Variants in UFC1 observed in about 807,000 individuals in gnomAD.
The protein encoded by UFC1 is ubiquitin-fold modifier conjugating enzyme 1, also known as ubiquitin-fold modifier-conjugating enzyme 1.
In UFC1, 22 loss-of-function variants were observed where a neutral mutation model predicts 28.0. That is an observed-to-expected ratio of 0.78 (90% CI 0.56 to 1.12). UFC1 has a LOEUF of 1.12. Ranked by LOEUF, UFC1 falls within the 50% of genes most tolerant of loss-of-function variation. UFC1 has a pLI of 0.00. For synonymous variants in UFC1, 61 were observed against 74.5 expected (o/e 0.82, Z 0.93); for missense variants, 189 against 207.8 (o/e 0.91, Z 0.56).
intron 1 of UFC1, among the ~76,000 whole-genome samples, chr1:161,154,762 T>G (rs1242294687): frequency 2.0e-5 from 3 of 152,288 alleles, no homozygotes; most frequent in African/African-American, 7.2e-5. Flanking sequence ...GTGCTGAGAT[T>G]ACAGGCGTGA....
Position 161,156,964 on chromosome 1 carries a change from C to G in UFC1, c.138C>G (p.Asn46Lys), listed in dbSNP as rs115695944. 6.2e-7 allele frequency: 1 copy of G among 1,614,202 alleles called. No homozygotes were observed. The change falls in exon 2 of 6, where the codon AAC (asparagine) becomes AAG (lysine). Residue 46 changes from asparagine (N) to lysine (K), a missense_variant. By Grantham distance (94) the Asn-to-Lys change is moderately conservative (BLOSUM62 0). Transcript: ENST00000368003. ...YQSLIRYVEN[N>K]KNADNDWFRL... ...TCTGCTTTCAGTATGTGGAGAACAACAAGAATGCTGACAACGATTGGTTCC... is the reference window on the plus strand; with the variant it reads ...TCTGCTTTCAGTATGTGGAGAACAAGAAGAATGCTGACAACGATTGGTTCC...
chr1:161,158,302 G>A lies in UFC1; in HGVS notation c.423+91G>A. The A allele has an allele frequency of 3.2e-6, 5 of 1,568,296 alleles. No homozygotes were observed. In the South Asian group the frequency reaches 4.4e-5, roughly 14 times the overall value. ...GCAGCTAAGAATAAAAGGAATAACA[G>A]TGATGTCCCTTAAGCATGTTCCCCC... On this transcript the variant is annotated intron_variant, in intron 5 of 5. Coordinates refer to ENST00000368003, the MANE Select transcript of UFC1 (RefSeq NM_016406.4).
intron 4 of UFC1, 25 bp from the exon 5 acceptor site, chr1:161,158,096 C>A: frequency 6.2e-7 from 1 of 1,603,128 alleles, no homozygotes; most frequent in Non-Finnish European, 8.5e-7. Flanking sequence ...TGCATGTCAA[C>A]ACCTTCTTCA....
intron 1 of UFC1, 92 bp from the exon 2 acceptor site, chr1:161,156,858 T>A (rs1657522981): frequency 1.7e-6 from 2 of 1,154,230 alleles, no homozygotes; most frequent in African/African-American, 1.6e-5. Context: ...AAATAAAAAA[T>A]AAAAAAAATA....
rs1361282229 is a variant in UFC1, at chr1:161,158,846, T to G, written c.*354T>G. On this transcript the variant is annotated 3_prime_UTR_variant, in exon 6 of 6. Coordinates refer to ENST00000368003, the MANE Select transcript of UFC1 (RefSeq NM_016406.4). ...GAGATAACCCATCAATAAAAGCTGC[T>G]TCCTCTGGTAGCCTGTGGTTCTCAT... 2 of 255,594 alleles carry G rather than the reference T, an allele frequency of 7.8e-6. No individual in the cohort carries two copies. The highest frequency in any genetic ancestry group is 1.6e-5 in the Non-Finnish European group (2 of 126,426). 15.8% of individuals were successfully genotyped at this position (255,594 alleles called of 1,614,324 possible).
Position 161,154,004 on chromosome 1 carries a change from G to C in UFC1, c.7G>C (p.Asp3His). The C allele has an allele frequency of 6.2e-7, 1 of 1,614,158 alleles. No homozygotes were observed. Among genetic ancestry groups the C allele is most frequent in the Non-Finnish European group, 8.5e-7 (1 of 1,180,028 alleles). The change falls in exon 1 of 6, where the codon GAT (aspartate) becomes CAT (histidine). Residue 3 changes from aspartate (D) to histidine (H), a missense_variant. Transcript: ENST00000368003. ...TCTTGCGCCCTGGTCCAAGATGGCG[G>C]ATGAAGCCACGCGACGTGTTGTGTC... MA[D>H]EATRRVVSEI...
chr1:161,156,350 G>A (rs923287482), intron 1 of UFC1, among the ~76,000 whole-genome samples: 5 of 150,950 alleles, frequency 3.3e-5, no homozygotes, highest in African/African-American at 1.2e-4. Flanking sequence ...CTAATATGGT[G>A]AAACCCCATC....
chr1:161,155,031 A>C (rs1002129848), intron 1 of UFC1, among the ~76,000 whole-genome samples: 3 of 152,152 alleles, frequency 2.0e-5, no homozygotes, highest in African/African-American at 7.2e-5. Context: ...TATAGAACCT[A>C]GGGAGGAGAT....
rs772312889 is a variant in UFC1 at position 161,158,460 on chromosome 1, G to A, written c.472G>A (p.Val158Ile). 4.9e-5 allele frequency: 79 copies of A among 1,614,050 alleles called. No homozygotes were observed. The Middle Eastern group carries it at 6.6e-4, about 13-fold the overall frequency. ...VEIPDLIQKG[V>I]IQHKEKCNQ ...AATCCCTGATCTGATTCAGAAGGGC[G>A]TCATCCAACACAAAGAGAAATGCAA... Residue 158 changes from valine to isoleucine, a missense_variant, in exon 6 of 6, where the codon GTC (valine) becomes ATC (isoleucine). By Grantham distance (29) the Val-to-Ile change is conservative. Transcript: ENST00000368003.
intron 1 of UFC1, 42 bp downstream of exon 1, chr1:161,154,162 G>A (rs775291371): frequency 1.9e-6 from 3 of 1,610,166 alleles, no homozygotes; most frequent in South Asian, 1.1e-5. Context: ...CATAAGGGTT[G>A]GGAGAAATCA....
chr1:161,156,814 C>G (rs2101790087), intron 1 of UFC1, 136 bp from the exon 2 acceptor site: 1 of 751,768 alleles, frequency 1.3e-6, no homozygotes, highest in Middle Eastern at 3.4e-4. Context: ...TGCACTCCAG[C>G]CTGTGCGACG....
intron 4 of UFC1, 145 bp from the exon 5 acceptor site, chr1:161,157,976 G>C (rs1312571643): frequency 4.3e-6 from 3 of 705,824 alleles, no homozygotes; most frequent in Admixed American, 5.6e-5. Flanking sequence ...GGGGTGCCAG[G>C]CCCTCCTTTG....
chr1:161,158,058 A>C, intron 4 of UFC1, 63 bp from the exon 5 acceptor site: 2 of 1,405,282 alleles, frequency 1.4e-6, no homozygotes, highest in Non-Finnish European at 2.0e-6. Flanking sequence ...TATGCCCCCA[A>C]GAGGCTGCTG....
At chr1:161,157,081 C>G in intron 2 of UFC1, 64 bp downstream of exon 2, 2 of 1,541,234 alleles carry the variant, frequency 1.3e-6, no homozygotes, top group Non-Finnish European at 1.8e-6. Flanking sequence ...ATTTGGTATC[C>G]TAGCGCCCAC....
intron 1 of UFC1, 100 bp downstream of exon 1, chr1:161,154,220 A>C: frequency 1.3e-6 from 2 of 1,534,204 alleles, no homozygotes; most frequent in Non-Finnish European, 1.8e-6. Flanking sequence ...CCGGTTTTTA[A>C]GTTTAACGCC....
At chr1:161,157,099 G>A (rs1344703559) in intron 2 of UFC1, 82 bp downstream of exon 2, 1 of 1,513,910 alleles carries the variant, frequency 6.6e-7, no homozygotes, top group Non-Finnish European at 9.2e-7. Context: ...CACTACCAAA[G>A]CTGCCCTGTC....
At position 161,158,393 on chromosome 1, in the gene UFC1, G is replaced by A. The variant is rs754305856; in HGVS notation, c.424-19G>A. 133 of 1,614,030 alleles carry A rather than the reference G, an allele frequency of 8.2e-5. No individual in the cohort carries two copies. The highest frequency in any genetic ancestry group is 1.1e-4 in the Non-Finnish European group (130 of 1,179,996). ...GCATTGACTGGTAGTAATCTCACAG[G>A]ATTTTCCTTGTATTGCAGCTGGGTC... On this transcript the variant is annotated intron_variant, in intron 5 of 5. Transcript: ENST00000368003.
rs147604779 is a variant in UFC1 at position 161,157,317 on chromosome 1, C to T, written c.255C>T (p.Asp85=). Residue 85 remains aspartate (D), a splice_region_variant and synonymous_variant, in exon 3 of 6, where the codon GAC becomes GAT. Transcript: ENST00000368003. ...LLKYEFDIEF[D]IPITYPTTAP... ...AATATGAGTTTGACATCGAGTTTGA[C>T]GTGAGTGTGATAGAGTGGGAAATAT... 1.4e-4 allele frequency: 218 copies of T among 1,614,058 alleles called. No individual in the cohort carries two copies. Among genetic ancestry groups the T allele is most frequent in the Non-Finnish European group, 1.6e-4 (187 of 1,179,998 alleles).
At chr1:161,158,040 AG>A in intron 4 of UFC1, 80 bp from the exon 5 acceptor site, 1 of 1,211,718 alleles carries the variant, frequency 8.3e-7, no homozygotes, top group Non-Finnish European at 1.2e-6. Flanking sequence ...GATCACTAGT[AG>A]TCTTCCTATG....
Sources: gnomAD v4.1 joint callset for allele counts (sites outside exome capture counted in the v4.1 genomes callset) on GRCh38, gnomAD v4.1.1 for gene constraint, MANE v1.5 for transcripts, NCBI Gene and HGNC (gene_info 2026-07-23, HGNC 2026-07-21) for gene names.